HEXA: variants seen among roughly 807,000 people sequenced by gnomAD.
HEXA encodes hexosaminidase subunit alpha.
Under a neutral mutation model 73.3 loss-of-function variants are expected in HEXA, and 54 were observed. That is an observed-to-expected ratio of 0.74 (90% CI 0.59 to 0.92). The LOEUF (loss-of-function observed/expected upper bound fraction) is 0.92, where lower values mean the gene tolerates loss of function less well. HEXA is among the 40% of genes least tolerant of loss of function. The pLI, the probability that HEXA is intolerant of heterozygous loss-of-function variation, is 0.00. For missense variants in HEXA, 649 were observed against 653.0 expected (o/e 0.99, Z 0.07); for synonymous variants, 230 against 246.9 (o/e 0.93, Z 0.64).
chr15:72,368,191 G>C (rs996897952), intron 1 of HEXA, among the ~76,000 whole-genome samples: 6 of 152,176 alleles, frequency 3.9e-5, no homozygotes, highest in African/African-American at 1.4e-4. Context: ...TAACCTGAGT[G>C]CTTATGAGTA....
At chr15:72,350,916 T>C in intron 6 of HEXA, 1 of 626,788 alleles carries the variant, frequency 1.6e-6, no homozygotes, top group Non-Finnish European at 2.8e-6. Context: ...AAAAAGGGAA[T>C]AAGGCCAGAA....
rs1347960655 is a variant in HEXA, at chr15:72,373,427, G to A, written c.253+2293C>T. Among the ~76,000 whole-genome samples the A allele has an allele frequency of 2.0e-5, 3 of 152,158 alleles. No individual in the cohort carries two copies. In the East Asian group the frequency reaches 5.8e-4, roughly 29 times the overall value. ...TACATTCCAAAGGGAAGACTCCATG[G>A]GAAGAGCAATAGAGAAAGAAGTTAC... On this transcript the variant is annotated intron_variant, in intron 1 of 13. Coordinates refer to ENST00000268097, the MANE Select transcript of HEXA (RefSeq NM_000520.6).
rs1415232229 is a variant in HEXA at position 72,375,999 on chromosome 15, G to A, written c.-27C>T. On this transcript the variant is annotated 5_prime_UTR_variant, in exon 1 of 14. Coordinates refer to ENST00000268097, the MANE Select transcript of HEXA (RefSeq NM_000520.6). ...GCCCGCTGGTCTCCCCTCTCGGAGG[G>A]GGCTGGCCACGTGAGACCCTGGTCA... 3 of 1,609,910 alleles carry A rather than the reference G, an allele frequency of 1.9e-6. No homozygotes were observed. Among genetic ancestry groups the A allele is most frequent in the Non-Finnish European group, 2.5e-6 (3 of 1,179,938 alleles).
intron 1 of HEXA, among the ~76,000 whole-genome samples, chr15:72,368,979 A>G (rs1312803427): frequency 6.6e-6 from 1 of 152,214 alleles, no homozygotes; most frequent in Non-Finnish European, 1.5e-5. Context: ...AGGCTGCTTA[A>G]TGACAGCTGA....
In HEXA at chr15:72,350,944, G is replaced by T. The variant is rs12908883; in HGVS notation, c.672+189C>A. The T allele has an allele frequency of 0.019, 12,204 of 654,594 alleles. 260 individuals are homozygous for T. Among genetic ancestry groups the T allele is most frequent in the East Asian group, 0.086 (3,176 of 36,858 alleles). The allele number at this position is 654,594 out of a possible 1,614,324, so 40.5% of individuals were successfully genotyped here. ...GGCCAGAAGAGATTCTCTCCTGAAGGTCACAAGGCAAATTATCGGCAAAGT... is the reference window on the plus strand; with the variant it reads ...GGCCAGAAGAGATTCTCTCCTGAAGTTCACAAGGCAAATTATCGGCAAAGT... On this transcript the variant is annotated intron_variant, in intron 6 of 13. Coordinates refer to ENST00000268097, the MANE Select transcript of HEXA (RefSeq NM_000520.6).
intron 1 of HEXA, among the ~76,000 whole-genome samples, chr15:72,363,762 T>C (rs940739848): frequency 5.3e-5 from 8 of 152,312 alleles, no homozygotes; most frequent in Non-Finnish European, 1.0e-4. Context: ...GTTGTACCCA[T>C]CTTTTTTTGG....
At chr15:72,355,883 T>C (rs1377496885) in intron 2 of HEXA, 3 of 562,360 alleles carry the variant, frequency 5.3e-6, no homozygotes, top group South Asian at 4.6e-5. Flanking sequence ...CAGGCTGGAG[T>C]GGAGGTCTGT....
Position 72,350,210 on chromosome 15 carries a change from CTTCT to C in HEXA, c.805+304_805+307del, listed in dbSNP as rs1433689997. On this transcript the variant is annotated intron_variant, in intron 7 of 13. Transcript: ENST00000268097. ...CTGACCTCTGCAGGCTGCCCTTGGG[CTTCT>C]TTCTTTCAGATTCTACCCTGGTGGT... 1.5e-5 allele frequency: 6 copies of C among 412,578 alleles called. No individual in the cohort carries two copies. The Admixed American group carries it at 1.8e-4, about 12-fold the overall frequency. The allele number at this position is 412,578 out of a possible 1,614,324, so 25.6% of individuals were successfully genotyped here.
chr15:72,361,024 C>T (rs920782624), intron 1 of HEXA, among the ~76,000 whole-genome samples: 1 of 152,194 alleles, frequency 6.6e-6, no homozygotes, highest in African/African-American at 2.4e-5. Context: ...CCACTTCTCT[C>T]AAAATGGCTT....
chr15:72,355,777 C>A, intron 2 of HEXA, 153 bp from the exon 3 acceptor site: 1 of 657,660 alleles, frequency 1.5e-6, no homozygotes, highest in Non-Finnish European at 2.8e-6. Flanking sequence ...GTCCCCAGAG[C>A]AAGACAGCTG....
At chr15:72,374,719 A>C (rs1282429424) in intron 1 of HEXA, among the ~76,000 whole-genome samples, 6 of 152,206 alleles carry the variant, frequency 3.9e-5, no homozygotes, top group Non-Finnish European at 8.8e-5. Context: ...CTGTGGAATA[A>C]TTATCCTCAA....
At chr15:72,345,772 C>T (rs912914875) in intron 12 of HEXA, 1 of 633,260 alleles carries the variant, frequency 1.6e-6, no homozygotes, top group African/African-American at 1.8e-5. Flanking sequence ...CCACTCTCTT[C>T]CTCTCTCAAA....
chr15:72,362,986 C>T (rs1567303209), intron 1 of HEXA, among the ~76,000 whole-genome samples: 1 of 152,130 alleles, frequency 6.6e-6, no homozygotes, highest in Non-Finnish European at 1.5e-5. Flanking sequence ...TGCCACCTTC[C>T]CACTCTTTAA....
At chr15:72,360,646 C>G (rs1287166289) in intron 1 of HEXA, among the ~76,000 whole-genome samples, 1 of 152,214 alleles carries the variant, frequency 6.6e-6, no homozygotes, top group Non-Finnish European at 1.5e-5. Flanking sequence ...CTCACTTACT[C>G]TTTCTTTTGC....
chr15:72,348,195 G>T, intron 8 of HEXA, 61 bp from the exon 9 acceptor site: 2 of 1,166,402 alleles, frequency 1.7e-6, no homozygotes, highest in South Asian at 1.2e-5. Context: ...AATGCCTGGG[G>T]ATTAGTCACC....
intron 1 of HEXA, among the ~76,000 whole-genome samples, chr15:72,369,287 A>C (rs959276389): frequency 1.3e-5 from 2 of 152,256 alleles, no homozygotes; most frequent in African/African-American, 4.8e-5. Context: ...GACTGTAAAC[A>C]TGTAAACCTT....
chr15:72,343,998 G>T lies in HEXA; in HGVS notation c.*79C>A. ...AAGGGGCACGAAGGCAAGGGGCTCCGTCCCCTGGCCAGGATGCAGTGGAAG... is the reference window on the plus strand; with the variant it reads ...AAGGGGCACGAAGGCAAGGGGCTCCTTCCCCTGGCCAGGATGCAGTGGAAG... On this transcript the variant is annotated 3_prime_UTR_variant, in exon 14 of 14. Transcript: ENST00000268097. 1 of 1,255,240 alleles carries T rather than the reference G, an allele frequency of 8.0e-7. No homozygotes were observed. Among genetic ancestry groups the T allele is most frequent in the Non-Finnish European group, 1.2e-6 (1 of 855,704 alleles). The allele number at this position is 1,255,240 out of a possible 1,614,324, so 77.8% of individuals were successfully genotyped here. A position where few individuals can be genotyped will look rare whatever the true frequency, so the allele number is the denominator to read the frequency against.
chr15:72,354,498 A>G (rs1484568542), intron 3 of HEXA: 2 of 152,378 alleles, frequency 1.3e-5, no homozygotes, highest in African/African-American at 2.4e-5. Flanking sequence ...GAAAGAATCC[A>G]TGAGACCTCA....
chr15:72,373,825 C>T (rs954591095), intron 1 of HEXA, among the ~76,000 whole-genome samples: 1 of 151,792 alleles, frequency 6.6e-6, no homozygotes, highest in Non-Finnish European at 1.5e-5. Flanking sequence ...ATGGTGAAAC[C>T]CCATCTCTAC....
Sources: allele counts gnomAD v4.1 joint callset (sites outside exome capture counted in the v4.1 genomes callset), GRCh38; gene constraint gnomAD v4.1.1; transcripts MANE v1.5; gene names NCBI Gene and HGNC (gene_info 2026-07-23, HGNC 2026-07-21).